Variants in ADCY1 observed in about 807,000 individuals in gnomAD.
The protein encoded by ADCY1 is adenylate cyclase type 1.
In ADCY1, 28 loss-of-function variants were observed where a neutral mutation model predicts 105.4. That is an observed-to-expected ratio of 0.27 (90% confidence interval 0.20 to 0.36). The LOEUF (loss-of-function observed/expected upper bound fraction) is 0.36. Ranked by LOEUF, ADCY1 falls within the 10% of genes least tolerant of loss-of-function variation. The probability of loss-of-function intolerance (pLI) is 1.00; values close to 1 mark genes in which losing one functional copy is unlikely to be tolerated. For missense variants in ADCY1, 977 were observed against 1,434.2 expected (o/e 0.68, Z 5.15); for synonymous variants, 655 against 623.8 (o/e 1.05, Z -0.75).
intron 2 of ADCY1, among the ~76,000 whole-genome samples, chr7:45,603,103 T>C (rs1375401453): frequency 1.3e-5 from 2 of 152,198 alleles, no homozygotes; most frequent in Non-Finnish European, 2.9e-5. Context: ...TAGCATAATG[T>C]TTTTGAGGTG....
In ADCY1 at chr7:45,686,742, C is replaced by A; in HGVS notation, c.2454+69C>A. The A allele has an allele frequency of 6.6e-7, 1 of 1,524,810 alleles. No homozygotes were observed. The highest frequency in any genetic ancestry group is 2.3e-5 in the East Asian group (1 of 43,564). 94.5% of individuals were successfully genotyped at this position (1,524,810 alleles called of 1,614,324 possible). A position where few individuals can be genotyped will look rare whatever the true frequency, so the allele number is the denominator to read the frequency against. ...GGAGGAAGAAGTCTTCAGCAAGCATCTGACGGGGGCTGCCACAGACACCCA... is the reference window on the plus strand; with the variant it reads ...GGAGGAAGAAGTCTTCAGCAAGCATATGACGGGGGCTGCCACAGACACCCA... On this transcript the variant is annotated intron_variant, in intron 14 of 19. Transcript: ENST00000297323. The surrounding 1 kb of genome is among the most constrained non-coding windows in gnomAD (Gnocchi z 4.3).
intron 1 of ADCY1, among the ~76,000 whole-genome samples, chr7:45,585,711 G>A (rs1792704301): frequency 6.6e-6 from 1 of 152,172 alleles, no homozygotes; most frequent in Non-Finnish European, 1.5e-5. Flanking sequence ...GCCTCCCAAA[G>A]TGCTGGGATT....
chr7:45,607,455 C>G (rs148816020), intron 2 of ADCY1, among the ~76,000 whole-genome samples: 2 of 152,206 alleles, frequency 1.3e-5, no homozygotes, highest in Non-Finnish European at 2.9e-5. Flanking sequence ...AAATTTTAAC[C>G]TTCATTTTAG....
intron 5 of ADCY1, among the ~76,000 whole-genome samples, chr7:45,649,923 C>G (rs1349703091): frequency 6.6e-6 from 1 of 152,182 alleles, no homozygotes; most frequent in Non-Finnish European, 1.5e-5. Flanking sequence ...GCCCCCTCAG[C>G]TGACCTCAGT....
At chr7:45,642,812 T>C (rs1237868581) in intron 4 of ADCY1, among the ~76,000 whole-genome samples, 1 of 152,190 alleles carries the variant, frequency 6.6e-6, no homozygotes, top group Non-Finnish European at 1.5e-5. Context: ...GGCTGACATT[T>C]TGTGTTGCAT....
chr7:45,650,774 C>T (rs1170008308), intron 5 of ADCY1, among the ~76,000 whole-genome samples: 2 of 152,114 alleles, frequency 1.3e-5, no homozygotes, highest in African/African-American at 4.8e-5. Flanking sequence ...CTGTTTCTGC[C>T]CTGCATGTTG....
chr7:45,686,479 G>A lies in ADCY1; in HGVS notation c.2328-68G>A, dbSNP rs1252741317. 6.4e-6 allele frequency: 10 copies of A among 1,557,296 alleles called. No homozygotes were observed. Among genetic ancestry groups the A allele is most frequent in the Non-Finnish European group, 8.7e-6 (10 of 1,148,760 alleles). ...GAGGGTCACTCTGAACAGTTCTTGGGTTTGGTGGCAGAGTCTTGCCCTGGA... is the reference window on the plus strand; with the variant it reads ...GAGGGTCACTCTGAACAGTTCTTGGATTTGGTGGCAGAGTCTTGCCCTGGA... On this transcript the variant is annotated intron_variant, in intron 13 of 19. Coordinates refer to ENST00000297323, the MANE Select transcript of ADCY1 (RefSeq NM_021116.4). The surrounding 1 kb of genome is among the most constrained non-coding windows in gnomAD (Gnocchi z 4.3).
intron 14 of ADCY1, among the ~76,000 whole-genome samples, chr7:45,700,714 A>C (rs535128359): frequency 6.6e-6 from 1 of 152,150 alleles, no homozygotes; most frequent in Non-Finnish European, 1.5e-5. Flanking sequence ...TGCAGGAGGG[A>C]GGTGGGGACA....
chr7:45,575,151 T>A lies in ADCY1; in HGVS notation c.608T>A (p.Val203Asp). The stretch of plus-strand genomic sequence containing the variant: ...CACTTGCTGGTCACAGCCACCTTGG[T>A]CCCCGCCAAGCGCCCACGTCTCTGG... Reference protein sequence around the residue: ...ASHLLVTATLVPAKRPRLWRT... With the variant: ...ASHLLVTATLDPAKRPRLWRT... The change falls in exon 1 of 20, where the codon GTC (valine) becomes GAC (aspartate). Residue 203 changes from valine to aspartate, a missense_variant. Around this residue, in one of 7 missense-constraint regions of ADCY1, gnomAD observed 196 missense variants for 347.8 expected, o/e 0.56. Transcript: ENST00000297323. The surrounding 1 kb of genome is among the most constrained non-coding windows in gnomAD (Gnocchi z 4.7). 6.2e-7 allele frequency: 1 copy of A among 1,608,616 alleles called. No individual in the cohort carries two copies. The highest frequency in any genetic ancestry group is 8.5e-7 in the Non-Finnish European group (1 of 1,177,920).
chr7:45,659,957 G>T, intron 6 of ADCY1, 85 bp from the exon 7 acceptor site: 2 of 1,538,730 alleles, frequency 1.3e-6, no homozygotes, highest in Non-Finnish European at 1.8e-6. Flanking sequence ...GCCTCTGTCT[G>T]TGCCCCTTCC....
At chr7:45,610,103 G>T (rs1175121728) in intron 2 of ADCY1, among the ~76,000 whole-genome samples, 1 of 152,168 alleles carries the variant, frequency 6.6e-6, no homozygotes, top group Non-Finnish European at 1.5e-5. Flanking sequence ...TGTTTTCACA[G>T]CTGTAACCCT....
intron 14 of ADCY1, among the ~76,000 whole-genome samples, chr7:45,695,491 T>C (rs1175581651): frequency 6.6e-6 from 1 of 152,204 alleles, no homozygotes; most frequent in African/African-American, 2.4e-5. Context: ...CAGAGTGGAA[T>C]GGCATTCTGG....
intron 4 of ADCY1, 93 bp downstream of exon 4, chr7:45,622,836 C>A: frequency 1.1e-6 from 1 of 950,302 alleles, no homozygotes; most frequent in Non-Finnish European, 1.6e-6. Flanking sequence ...GGACCATGAA[C>A]TAGACTGATT....
chr7:45,645,014 C>G (rs1269478941), intron 4 of ADCY1, among the ~76,000 whole-genome samples: 1 of 152,088 alleles, frequency 6.6e-6, no homozygotes, highest in Non-Finnish European at 1.5e-5. Flanking sequence ...GCTGAGTGAG[C>G]TGGATATGTG....
rs1785415094 is a variant in ADCY1, at chr7:45,719,072, G to C, written c.*5077G>C. 6.5e-6 allele frequency: 1 copy of C among 152,940 alleles called. No individual in the cohort carries two copies. The highest frequency in any genetic ancestry group is 1.5e-5 in the Non-Finnish European group (1 of 68,242). 9.5% of individuals were successfully genotyped at this position (152,940 alleles called of 1,614,324 possible). A position where few individuals can be genotyped will look rare whatever the true frequency, so the allele number is the denominator to read the frequency against. On this transcript the variant is annotated 3_prime_UTR_variant, in exon 20 of 20. Transcript: ENST00000297323. ...AAGGACAGGCCCCGGCCTTGGGAGA[G>C]GACACGGGCATGGGCTGCTGGATGC... is the stretch of plus-strand genomic sequence containing the variant.
At chr7:45,661,981 A>C in intron 7 of ADCY1, 78 bp from the exon 8 acceptor site, 1 of 1,529,088 alleles carries the variant, frequency 6.5e-7, no homozygotes, top group Non-Finnish European at 8.9e-7. Flanking sequence ...TGTGTTTGTC[A>C]GGATGGCATT....
intron 4 of ADCY1, among the ~76,000 whole-genome samples, chr7:45,632,068 G>T (rs552310339): frequency 3.3e-5 from 5 of 152,126 alleles, no homozygotes; most frequent in Admixed American, 6.5e-5. Flanking sequence ...TTACTGAAAA[G>T]ACTATCATTT....
At chr7:45,695,109 A>T (rs1490439523) in intron 14 of ADCY1, among the ~76,000 whole-genome samples, 1 of 151,548 alleles carries the variant, frequency 6.6e-6, no homozygotes, top group African/African-American at 2.4e-5. Flanking sequence ...CGGCTTGGAA[A>T]CTCTCCCAGC....
intron 5 of ADCY1, among the ~76,000 whole-genome samples, chr7:45,656,887 G>A (rs1794957777): frequency 6.6e-6 from 1 of 152,206 alleles, no homozygotes; most frequent in Non-Finnish European, 1.5e-5. Context: ...GGCCTCTTAA[G>A]CCTTGAGATG....
Sources: gnomAD v4.1 joint callset for allele counts (sites outside exome capture counted in the v4.1 genomes callset) on GRCh38, gnomAD v4.1.1 for gene constraint, gnomAD v4.1.1 regional missense constraint, Gnocchi (gnomAD v3.1) non-coding constraint, MANE v1.5 for transcripts, NCBI Gene and HGNC (gene_info 2026-07-23, HGNC 2026-07-21) for gene names.